The following PNLIP variants were observed in gnomAD, a reference collection of about 807,000 sequenced individuals.
PNLIP encodes the protein pancreatic triacylglycerol lipase.
A neutral mutation model predicts 57.1 loss-of-function variants in PNLIP; 49 were observed. The ratio of observed to expected loss-of-function variants is 0.86; its 90% CI spans 0.68 to 1.09. The LOEUF is 1.09. Ranked by LOEUF, PNLIP falls within the 50% of genes least tolerant of loss-of-function variation. The pLI is 0.00. For missense variants in PNLIP, 503 were observed against 570.2 expected (o/e 0.88, Z 1.20); for synonymous variants, 209 against 200.4 (o/e 1.04, Z -0.36).
intron 4 of PNLIP, 79 bp downstream of exon 4, chr10:116,548,561 A>G (rs976808347): frequency 2.0e-6 from 3 of 1,464,534 alleles, no homozygotes; most frequent in South Asian, 1.3e-5. Flanking sequence ...GCCCCGACCA[A>G]TGAGGACAGT....
intron 5 of PNLIP, among the ~76,000 whole-genome samples, chr10:116,552,723 A>G (rs1847207437): frequency 6.6e-6 from 1 of 152,016 alleles, no homozygotes; most frequent in South Asian, 2.1e-4. Flanking sequence ...TGTCTCTACT[A>G]AAAATACAGA....
chr10:116,565,886 T>C (rs976611642), intron 12 of PNLIP, among the ~76,000 whole-genome samples: 7 of 152,216 alleles, frequency 4.6e-5, no homozygotes, highest in Non-Finnish European at 1.0e-4. Context: ...CTTGGCTCAC[T>C]GAACCTCCAT....
rs1322177265 is a variant in PNLIP, at chr10:116,546,105, T to G, written c.13T>G (p.Trp5Gly). 5 of 1,613,962 alleles carry G rather than the reference T, an allele frequency of 3.1e-6. No individual in the cohort carries two copies. The highest frequency in any genetic ancestry group is 4.2e-6 in the Non-Finnish European group (5 of 1,179,872). ...TAATTTCGTGTAGATGCTGCCACTT[T>G]GGACTCTTTCACTGCTGCTGGGAGC... is the stretch of plus-strand genomic sequence containing the variant. MLPLWTLSLLLGAVA... is the reference protein window; with the variant it reads MLPLGTLSLLLGAVA... Residue 5 changes from tryptophan to glycine, a missense_variant, in exon 2 of 13, where the codon TGG becomes GGG. Coordinates refer to ENST00000369221, the MANE Select transcript of PNLIP (RefSeq NM_000936.4).
At chr10:116,559,094 A>C in intron 9 of PNLIP, 60 bp from the exon 10 acceptor site, 1 of 1,565,650 alleles carries the variant, frequency 6.4e-7, no homozygotes, top group Non-Finnish European at 8.6e-7. Flanking sequence ...ACATGTAGGA[A>C]ATATGGTACA....
chr10:116,551,209 G>T lies in PNLIP; in HGVS notation c.436G>T (p.Ala146Ser), dbSNP rs762038971. Residue 146 changes from alanine (A) to serine (S), a missense_variant, in exon 5 of 13, where the codon GCA becomes TCA. Transcript: ENST00000369221. ...CATCAGGATCGTGGGAGCAGAAGTG[G>T]CATATTTTGTTGAATTTCTTCAGGT... ...QNIRIVGAEV[A>S]YFVEFLQSAF... 4.4e-6 allele frequency: 7 copies of T among 1,608,984 alleles called. No individual in the cohort carries two copies. The African/African-American group carries it at 9.4e-5, about 22-fold the overall frequency.
rs1467417673 is a variant in PNLIP at position 116,551,075 on chromosome 10, G to A, written c.325-23G>A. ...AATAAAGATCCTGAATTATTTATCT[G>A]TTTATTGTGCCCCTTCCACCAGAAT... On this transcript the variant is annotated intron_variant, in intron 4 of 12. Coordinates refer to ENST00000369221, the MANE Select transcript of PNLIP (RefSeq NM_000936.4). 3.2e-6 allele frequency: 5 copies of A among 1,545,856 alleles called. No homozygotes were observed. The South Asian group carries it at 3.7e-5, about 11-fold the overall frequency.
At chr10:116,547,618 C>T (rs1004687470) in intron 3 of PNLIP, among the ~76,000 whole-genome samples, 170 bp downstream of exon 3, 6 of 149,614 alleles carry the variant, frequency 4.0e-5, no homozygotes, top group African/African-American at 7.4e-5. Flanking sequence ...CCCAGCTACT[C>T]GGGAAACTGA....
intron 3 of PNLIP, among the ~76,000 whole-genome samples, 189 bp downstream of exon 3, chr10:116,547,637 G>T (rs1847143304): frequency 6.7e-6 from 1 of 150,110 alleles, no homozygotes; most frequent in African/African-American, 2.5e-5. Context: ...GAAGCAGGAG[G>T]ATGGCGTGAA....
chr10:116,549,234 T>G (rs1315203784), intron 4 of PNLIP, among the ~76,000 whole-genome samples: 2 of 151,888 alleles, frequency 1.3e-5, no homozygotes, highest in East Asian at 1.9e-4. Context: ...TCCGAGCACT[T>G]TGGGAGGCTG....
chr10:116,560,079 C>T (rs1847296309), intron 10 of PNLIP, among the ~76,000 whole-genome samples: 1 of 151,900 alleles, frequency 6.6e-6, no homozygotes, highest in Non-Finnish European at 1.5e-5. Flanking sequence ...TTTACAACTA[C>T]CTTTTAACAT....
intron 9 of PNLIP, among the ~76,000 whole-genome samples, chr10:116,557,806 G>C (rs1196491865): frequency 1.3e-5 from 2 of 152,024 alleles, no homozygotes; most frequent in Non-Finnish European, 2.9e-5. Flanking sequence ...GAAGTCCTTG[G>C]TCCAGAAATA....
rs541375794 is a variant in PNLIP, at chr10:116,546,092, G to C, written c.1-1G>C. On this transcript the variant is annotated splice_acceptor_variant, in intron 1 of 12. Transcript: ENST00000369221. LOFTEE classifies it low-confidence loss of function (5UTR_SPLICE). Reference sequence around the variant, plus strand: ...TCAATCATGTTTTTAATTTCGTGTAGATGCTGCCACTTTGGACTCTTTCAC... The same window carrying C: ...TCAATCATGTTTTTAATTTCGTGTACATGCTGCCACTTTGGACTCTTTCAC... The C allele has an allele frequency of 6.2e-7, 1 of 1,613,772 alleles. No individual in the cohort carries two copies. The highest frequency in any genetic ancestry group is 8.5e-7 in the Non-Finnish European group (1 of 1,179,794).
chr10:116,547,341 C>T lies in PNLIP; in HGVS notation c.94C>T (p.Pro32Ser), dbSNP rs1403581400. 6.2e-7 allele frequency: 1 copy of T among 1,614,034 alleles called. No individual in the cohort carries two copies. Among genetic ancestry groups the T allele is most frequent in the Admixed American group, 1.7e-5 (1 of 60,010 alleles). The change falls in exon 3 of 13, where the codon CCA (proline) becomes TCA (serine). Residue 32 changes from proline (P) to serine (S), a missense_variant. By Grantham distance (74) the Pro-to-Ser change is moderately conservative. Transcript: ENST00000369221. ...ERLGCFSDDS[P>S]WSGITERPLH... is the part of the protein sequence containing the mutation. Reference sequence around the variant, plus strand: ...ACTCGGCTGCTTCAGTGATGACTCCCCATGGTCAGGAATTACGGAAAGACC... The same window carrying T: ...ACTCGGCTGCTTCAGTGATGACTCCTCATGGTCAGGAATTACGGAAAGACC...
At chr10:116,567,268 T>C (rs1471398644) in intron 12 of PNLIP, among the ~76,000 whole-genome samples, 2 of 151,972 alleles carry the variant, frequency 1.3e-5, no homozygotes, top group African/African-American at 4.8e-5. Flanking sequence ...CTTTCCTTTA[T>C]TTGATCCACA....
chr10:116,553,179 C>T (rs1847213474), intron 5 of PNLIP, among the ~76,000 whole-genome samples: 1 of 152,216 alleles, frequency 6.6e-6, no homozygotes, highest in Non-Finnish European at 1.5e-5. Flanking sequence ...GATCTCGGCT[C>T]ACTGCAACTT....
At position 116,547,363 on chromosome 10, in the gene PNLIP, G is replaced by T; in HGVS notation, c.116G>T (p.Arg39Ile). The T allele has an allele frequency of 6.2e-7, 1 of 1,614,060 alleles. No individual in the cohort carries two copies. Among genetic ancestry groups the T allele is most frequent in the Non-Finnish European group, 8.5e-7 (1 of 1,179,938 alleles). The change falls in exon 3 of 13, where the codon AGA becomes ATA. Residue 39 changes from arginine to isoleucine, a missense_variant. Coordinates refer to ENST00000369221, the MANE Select transcript of PNLIP (RefSeq NM_000936.4). Reference protein sequence around the residue: ...DDSPWSGITERPLHILPWSPK... With the variant: ...DDSPWSGITEIPLHILPWSPK... ...TCCCCATGGTCAGGAATTACGGAAA[G>T]ACCCCTCCATATATTGCCTTGGTCT...
chr10:116,565,041 A>G (rs990815949), intron 12 of PNLIP, among the ~76,000 whole-genome samples: 1 of 152,136 alleles, frequency 6.6e-6, no homozygotes, highest in South Asian at 2.1e-4. Flanking sequence ...CGGGTGGATC[A>G]TGAGGTCAGA....
chr10:116,550,703 C>T (rs1204984327), intron 4 of PNLIP, among the ~76,000 whole-genome samples: 1 of 152,168 alleles, frequency 6.6e-6, no homozygotes, highest in African/African-American at 2.4e-5. Flanking sequence ...GACACTGAGG[C>T]TATACCAGTG....
chr10:116,566,369 T>A (rs886089292), intron 12 of PNLIP, among the ~76,000 whole-genome samples: 3 of 152,136 alleles, frequency 2.0e-5, no homozygotes, highest in African/African-American at 7.2e-5. Context: ...TACTCTATAG[T>A]GACAGCAGAG....
Sources: gnomAD v4.1 joint callset for allele counts (sites outside exome capture counted in the v4.1 genomes callset) on GRCh38, gnomAD v4.1.1 for gene constraint, MANE v1.5 for transcripts, NCBI Gene and HGNC (gene_info 2026-07-23, HGNC 2026-07-21) for gene names.